Variants in ADAMTS6 observed in about 807,000 individuals in gnomAD.
ADAMTS6 encodes the protein A disintegrin and metalloproteinase with thrombospondin motifs 6.
In ADAMTS6, 23 loss-of-function variants were observed where a neutral mutation model predicts 144.3. That is an observed-to-expected ratio of 0.16 (90% CI 0.11 to 0.23). The LOEUF is 0.23. Ranked by LOEUF, ADAMTS6 falls within the 10% of genes least tolerant of loss-of-function variation. The probability of loss-of-function intolerance (pLI) is 1.00; values close to 1 mark genes in which losing one functional copy is unlikely to be tolerated. For missense variants in ADAMTS6, 999 were observed against 1,379.6 expected, an observed-to-expected ratio of 0.72 and a Z score of 4.37; for synonymous variants, 444 against 457.5, an observed-to-expected ratio of 0.97 and a Z score of 0.38.
chr5:65,203,714 A>T (rs1342940101), intron 20 of ADAMTS6, among the ~76,000 whole-genome samples: 3 of 152,218 alleles, frequency 2.0e-5, no homozygotes, highest in Admixed American at 1.3e-4. Flanking sequence ...TAATATCATA[A>T]GTTCCCACAA....
intron 20 of ADAMTS6, chr5:65,198,457 T>C (rs1295454760): frequency 6.0e-6 from 1 of 167,016 alleles, no homozygotes; most frequent in Non-Finnish European, 1.5e-5. Flanking sequence ...CACCAAATGC[T>C]TCCCCCAAGT....
intron 7 of ADAMTS6, among the ~76,000 whole-genome samples, chr5:65,402,701 C>T (rs1053318434): frequency 2.0e-5 from 3 of 151,004 alleles, no homozygotes; most frequent in South Asian, 4.2e-4. Flanking sequence ...CACCCCCCCC[C>T]ATATTTGGCG....
At chr5:65,248,642 A>T (rs1759853304) in intron 14 of ADAMTS6, among the ~76,000 whole-genome samples, 1 of 74,492 alleles carries the variant, frequency 1.3e-5, no homozygotes, top group Admixed American at 1.3e-4. Context: ...AAAAAATACA[A>T]AAATTATGGT....
intron 15 of ADAMTS6, among the ~76,000 whole-genome samples, chr5:65,227,376 CTTG>C (rs10568251): frequency 0.17 from 25,508 of 151,930 alleles, 2,610 homozygotes; most frequent in African/African-American, 0.29. Flanking sequence ...TAAATGTGGA[CTTG>C]TTGTATTAAA....
chr5:65,336,602 A>G (rs10037717), intron 7 of ADAMTS6, among the ~76,000 whole-genome samples: 4,167 of 152,094 alleles, frequency 0.027, 169 homozygotes, highest in African/African-American at 0.095. Flanking sequence ...TCCCCATAAT[A>G]TTTTCATATA....
intron 9 of ADAMTS6, among the ~76,000 whole-genome samples, chr5:65,317,253 T>C (rs563752699): frequency 6.6e-6 from 1 of 152,160 alleles, no homozygotes; most frequent in Non-Finnish European, 1.5e-5. Context: ...TGATCAACTA[T>C]AAAGAAAAGG....
chr5:65,318,737 T>C (rs981550460), intron 9 of ADAMTS6, among the ~76,000 whole-genome samples: 45 of 151,712 alleles, frequency 3.0e-4, no homozygotes, highest in African/African-American at 8.9e-4. Flanking sequence ...GTTGGGAAGG[T>C]AGTTGGGGAG....
intron 24 of ADAMTS6, among the ~76,000 whole-genome samples, chr5:65,155,185 T>C (rs76603114): frequency 0.025 from 3,780 of 152,302 alleles, 68 homozygotes; most frequent in Non-Finnish European, 0.036. Context: ...CATTAAAAAT[T>C]ATAATTTATC....
intron 4 of ADAMTS6, among the ~76,000 whole-genome samples, chr5:65,459,009 T>G (rs1280987868): frequency 6.6e-6 from 1 of 152,038 alleles, no homozygotes; most frequent in African/African-American, 2.4e-5. Context: ...ATATCCACTG[T>G]TTCTCTTCAT....
rs117217751 is a variant in ADAMTS6 at position 65,419,930 on chromosome 5, C to T, written c.1073+31545G>A. ...TAGTGGTGATGGTTGTACATCTTTG[C>T]GAATATACTTACATTAGTCCATTCT... On this transcript the variant is annotated intron_variant, in intron 7 of 24. Coordinates refer to ENST00000381055, the MANE Select transcript of ADAMTS6 (RefSeq NM_197941.4). Among the ~76,000 whole-genome samples, 290 of 152,166 alleles carry T rather than the reference C, an allele frequency of 1.9e-3. 8 individuals carry two copies. In the East Asian group the frequency reaches 0.051, roughly 27 times the overall value.
intron 7 of ADAMTS6, among the ~76,000 whole-genome samples, chr5:65,347,844 G>T (rs1253206414): frequency 1.3e-5 from 2 of 151,622 alleles, no homozygotes; most frequent in Non-Finnish European, 3.0e-5. Flanking sequence ...CTGATCCATA[G>T]AACAAAAAGT....
At chr5:65,446,114 GA>G (rs1407921204) in intron 7 of ADAMTS6, among the ~76,000 whole-genome samples, 3 of 152,120 alleles carry the variant, frequency 2.0e-5, no homozygotes, top group Admixed American at 1.3e-4. Flanking sequence ...GGTCATAAAA[GA>G]GGTAACTGGC....
intron 11 of ADAMTS6, among the ~76,000 whole-genome samples, chr5:65,281,546 C>T (rs528960699): frequency 1.6e-3 from 249 of 152,118 alleles, no homozygotes; most frequent in Non-Finnish European, 2.7e-3. Context: ...ATACTGTTAA[C>T]ATATTTCACA....
intron 7 of ADAMTS6, among the ~76,000 whole-genome samples, chr5:65,428,639 T>G (rs1208924401): frequency 6.6e-6 from 1 of 152,158 alleles, no homozygotes; most frequent in Non-Finnish European, 1.5e-5. Flanking sequence ...CTGCAAACCA[T>G]TTAAGAATTT....
chr5:65,277,802 G>A (rs1352185209), intron 11 of ADAMTS6, among the ~76,000 whole-genome samples: 1 of 152,100 alleles, frequency 6.6e-6, no homozygotes, highest in Non-Finnish European at 1.5e-5. Flanking sequence ...AAGTCTAAAA[G>A]TTTCTGAATG....
intron 12 of ADAMTS6, among the ~76,000 whole-genome samples, chr5:65,269,069 C>T (rs1320155806): frequency 2.0e-5 from 3 of 152,096 alleles, no homozygotes; most frequent in Non-Finnish European, 4.4e-5. Context: ...ATCCATTTCT[C>T]GGAGACACAC....
rs115299043 is a variant in ADAMTS6, at chr5:65,455,851, G to A, written c.632-2933C>T. Reference sequence around the variant, plus strand: ...ACAAAAATGTATTCAGTGTAAGGTAGTTGCTGTTATCATCATCTTTGTTAT... The same window carrying A: ...ACAAAAATGTATTCAGTGTAAGGTAATTGCTGTTATCATCATCTTTGTTAT... On this transcript the variant is annotated intron_variant, in intron 4 of 24. Transcript: ENST00000381055. 4.9e-3 allele frequency among the ~76,000 whole-genome samples: 737 copies of A among 151,866 alleles called. 5 individuals are homozygous for A. Among genetic ancestry groups the A allele is most frequent in the Middle Eastern group, 6.8e-3 (2 of 294 alleles).
chr5:65,471,158 G>A lies in ADAMTS6; in HGVS notation c.98-16C>T, dbSNP rs1760401670. The A allele has an allele frequency of 6.4e-7, 1 of 1,559,636 alleles. No individual in the cohort carries two copies. ...AGGAATTCCTCTTTGTAATCACAAGGCAGAGAATCCAGAAAAAAAACACAT... is the reference window on the plus strand; with the variant it reads ...AGGAATTCCTCTTTGTAATCACAAGACAGAGAATCCAGAAAAAAAACACAT... On this transcript the variant is annotated splice_polypyrimidine_tract_variant and intron_variant, in intron 2 of 24. Transcript: ENST00000381055.
chr5:65,224,365 C>T lies in ADAMTS6; in HGVS notation c.2227G>A (p.Val743Ile), dbSNP rs989828729. 1.2e-6 allele frequency: 2 copies of T among 1,614,104 alleles called. No individual in the cohort carries two copies. The highest frequency in any genetic ancestry group is 1.7e-5 in the Admixed American group (1 of 60,018). Residue 743 changes from valine to isoleucine, a missense_variant, in exon 18 of 25, where the codon GTT (valine) becomes ATT (isoleucine). Val to Ile is a conservative substitution (Grantham distance 29). Around this residue, in one of 3 missense-constraint regions of ADAMTS6, gnomAD observed 619 missense variants for 837.0 expected, o/e 0.74. Transcript: ENST00000381055. ...GCAACTTCTCTAACTTCAATGTGAA[C>T]AGAGCCTCTTGGTATCTGCACCACT... ...MEVVQIPRGS[V>I]HIEVREVAMS...
Sources: allele counts gnomAD v4.1 joint callset (sites outside exome capture counted in the v4.1 genomes callset), GRCh38; gene constraint gnomAD v4.1.1; regional missense constraint gnomAD v4.1.1; transcripts MANE v1.5; gene names NCBI Gene and HGNC (gene_info 2026-07-23, HGNC 2026-07-21).